SPESP1: variants seen among roughly 807,000 people sequenced by gnomAD.
The protein encoded by SPESP1 is equatorial segment protein.
In SPESP1, 1 loss-of-function variant was observed where a neutral mutation model predicts 3.1. The ratio of observed to expected loss-of-function variants is 0.33; its 90% CI spans 0.12 to 1.54. The LOEUF (loss-of-function observed/expected upper bound fraction) is 1.54, where lower values mean the gene tolerates loss of function less well. SPESP1 is among the 40% of genes most tolerant of loss of function. The pLI, the probability that SPESP1 is intolerant of heterozygous loss-of-function variation, is 0.38. For synonymous variants in SPESP1, 138 were observed against 150.7 expected, an observed-to-expected ratio of 0.92 and a Z score of 0.62; for missense variants, 398 against 410.1, an observed-to-expected ratio of 0.97 and a Z score of 0.26.
In SPESP1 at chr15:68,930,680, G is replaced by T. The variant is rs1285936398; in HGVS notation, c.27G>T (p.Ala9=). 6.2e-7 allele frequency: 1 copy of T among 1,613,998 alleles called. No homozygotes were observed. Among genetic ancestry groups the T allele is most frequent in the Admixed American group, 1.7e-5 (1 of 60,026 alleles). The change falls in exon 1 of 2, where the codon GCG becomes GCT. Residue 9 remains alanine (A), a synonymous_variant. Coordinates refer to ENST00000310673, the MANE Select transcript of SPESP1 (RefSeq NM_145658.4). ...TGAAGCCCTTAGTCCTTCTAGTTGCGCTTTTGCTATGGCCTTCGTCTGTGC... is the reference window on the plus strand; with the variant it reads ...TGAAGCCCTTAGTCCTTCTAGTTGCTCTTTTGCTATGGCCTTCGTCTGTGC... MKPLVLLV[A]LLLWPSSVPA... is the part of the protein sequence containing the mutation.
In SPESP1 at chr15:68,946,139, T is replaced by G; in HGVS notation, c.605T>G (p.Leu202Arg). ...ACAGAATCAGAAGATGTTCCTCAGC[T>G]CTCAGGTGAAACTGCGATAGAAAAA... ...ISTESEDVPQ[L>R]SGETAIEKPE... The change falls in exon 2 of 2, where the codon CTC becomes CGC. Residue 202 changes from leucine to arginine, a missense_variant. By Grantham distance (102) the Leu-to-Arg change is moderately radical. Transcript: ENST00000310673. 6.2e-7 allele frequency: 1 copy of G among 1,614,114 alleles called. No homozygotes were observed. The highest frequency in any genetic ancestry group is 1.1e-5 in the South Asian group (1 of 91,078).
At chr15:68,930,773 G>T in intron 1 of SPESP1, 56 bp downstream of exon 1, 1 of 1,611,496 alleles carries the variant, frequency 6.2e-7, no homozygotes, top group South Asian at 1.1e-5. Context: ...GGAACTTCCC[G>T]AGCTCCGCGA....
At chr15:68,932,172 GATC>G (rs544899353) in intron 1 of SPESP1, among the ~76,000 whole-genome samples, 44 of 152,274 alleles carry the variant, frequency 2.9e-4, no homozygotes, top group African/African-American at 1.0e-3. Flanking sequence ...GATGTCTGAT[GATC>G]ATTATTACTA....
At chr15:68,940,790 G>A (rs1895802190) in intron 1 of SPESP1, among the ~76,000 whole-genome samples, 2 of 150,332 alleles carry the variant, frequency 1.3e-5, no homozygotes, top group Non-Finnish European at 3.0e-5. Context: ...TACTTCATAG[G>A]TGGTGTTGTG....
At chr15:68,931,752 C>T (rs1359076724) in intron 1 of SPESP1, among the ~76,000 whole-genome samples, 2 of 152,166 alleles carry the variant, frequency 1.3e-5, no homozygotes, top group Non-Finnish European at 2.9e-5. Flanking sequence ...ATCATGTGGG[C>T]ACCTTAAGGC....
intron 1 of SPESP1, among the ~76,000 whole-genome samples, chr15:68,931,574 C>A (rs1354120494): frequency 1.3e-5 from 2 of 152,142 alleles, no homozygotes; most frequent in African/African-American, 4.8e-5. Flanking sequence ...GGGACACTCA[C>A]CTGAGGATGC....
At chr15:68,938,112 C>CTG (rs1371188009) in intron 1 of SPESP1, among the ~76,000 whole-genome samples, 2 of 152,154 alleles carry the variant, frequency 1.3e-5, no homozygotes, top group Admixed American at 6.5e-5. Context: ...TCGAGAGTAG[C>CTG]TGGGACTACA....
chr15:68,938,340 T>C (rs1002756021), intron 1 of SPESP1, among the ~76,000 whole-genome samples: 4 of 152,214 alleles, frequency 2.6e-5, no homozygotes, highest in African/African-American at 9.6e-5. Context: ...TCAAAAGTAA[T>C]TAACTTGCCT....
intron 1 of SPESP1, among the ~76,000 whole-genome samples, chr15:68,932,956 T>G (rs902255892): frequency 6.6e-6 from 1 of 152,222 alleles, no homozygotes; most frequent in Non-Finnish European, 1.5e-5. Flanking sequence ...TATCTGTCTC[T>G]CTACTTTTTC....
rs542190226 is a variant in SPESP1 at position 68,944,083 on chromosome 15, G to A, written c.65-1516G>A. On this transcript the variant is annotated intron_variant, in intron 1 of 1. Transcript: ENST00000310673. ...GTAATGCATTAGTGTTTGGTAAAAA[G>A]TGATTTACTTCCCTGAATTAAATCA... Among the ~76,000 whole-genome samples the A allele has an allele frequency of 1.6e-4, 25 of 152,246 alleles. No homozygotes were observed. In the East Asian group the frequency reaches 4.6e-3, roughly 28 times the overall value.
intron 1 of SPESP1, among the ~76,000 whole-genome samples, chr15:68,932,489 C>T (rs1199784012): frequency 7.2e-5 from 11 of 151,902 alleles, no homozygotes; most frequent in Non-Finnish European, 1.6e-4. Context: ...CTCCCAGGCT[C>T]GAGGGATTCT....
At chr15:68,942,145 T>C (rs1265545878) in intron 1 of SPESP1, among the ~76,000 whole-genome samples, 1 of 150,752 alleles carries the variant, frequency 6.6e-6, no homozygotes. Context: ...TCATTTTTTC[T>C]GTTATGTAAA....
chr15:68,933,267 C>T (rs1567061794), intron 1 of SPESP1, among the ~76,000 whole-genome samples: 1 of 152,140 alleles, frequency 6.6e-6, no homozygotes, highest in Non-Finnish European at 1.5e-5. Flanking sequence ...CCAATCCAAG[C>T]TTAGCTAGTA....
At chr15:68,942,044 G>A (rs1895837317) in intron 1 of SPESP1, among the ~76,000 whole-genome samples, 2 of 152,028 alleles carry the variant, frequency 1.3e-5, no homozygotes, top group South Asian at 2.1e-4. Flanking sequence ...GGCTGGTCTC[G>A]AACCCCTGGG....
At chr15:68,938,172 G>A (rs1391701179) in intron 1 of SPESP1, among the ~76,000 whole-genome samples, 1 of 152,098 alleles carries the variant, frequency 6.6e-6, no homozygotes, top group Non-Finnish European at 1.5e-5. Context: ...GTAGAGATGA[G>A]ATTTCACCAT....
intron 1 of SPESP1, among the ~76,000 whole-genome samples, chr15:68,936,577 TGGA>T (rs2140420608): frequency 6.6e-6 from 1 of 152,268 alleles, no homozygotes; most frequent in African/African-American, 2.4e-5. Flanking sequence ...ATATGGGAAA[TGGA>T]TTTTACTGTG....
In SPESP1 at chr15:68,946,462, C is replaced by T; in HGVS notation, c.928C>T (p.Leu310Phe). ...CATGCTGTGTAATTCTAGATCTAAACTCTATGAATATTTAGATATTAAATG... is the reference window on the plus strand; with the variant it reads ...CATGCTGTGTAATTCTAGATCTAAATTCTATGAATATTTAGATATTAAATG... ...INMLCNSRSK[L>F]YEYLDIKCVP... Residue 310 changes from leucine to phenylalanine, a missense_variant, in exon 2 of 2, where the codon CTC (leucine) becomes TTC (phenylalanine). Leu to Phe is a conservative substitution (Grantham distance 22). Transcript: ENST00000310673. 2 of 1,613,730 alleles carry T rather than the reference C, an allele frequency of 1.2e-6. No homozygotes were observed. The highest frequency in any genetic ancestry group is 1.7e-6 in the Non-Finnish European group (2 of 1,179,932).
chr15:68,936,204 T>G (rs980367003), intron 1 of SPESP1, among the ~76,000 whole-genome samples: 17 of 152,258 alleles, frequency 1.1e-4, no homozygotes, highest in Non-Finnish European at 2.2e-4. Flanking sequence ...TAAAGCCATT[T>G]TGTTTTCACT....
At chr15:68,935,893 G>A (rs1895669248) in intron 1 of SPESP1, among the ~76,000 whole-genome samples, 1 of 152,166 alleles carries the variant, frequency 6.6e-6, no homozygotes. Context: ...CAGTACTCCA[G>A]CTCAGTTCGT....
Sources: allele counts gnomAD v4.1 joint callset (sites outside exome capture counted in the v4.1 genomes callset), GRCh38; gene constraint gnomAD v4.1.1; transcripts MANE v1.5; gene names NCBI Gene and HGNC (gene_info 2026-07-23, HGNC 2026-07-21).